Variants in FRYL observed in about 807,000 individuals in gnomAD.
The protein encoded by FRYL is protein furry homolog-like.
In FRYL, 150 loss-of-function variants were observed where a neutral mutation model predicts 351.2. The ratio of observed to expected loss-of-function variants is 0.43; its 90% CI spans 0.37 to 0.49. The LOEUF (loss-of-function observed/expected upper bound fraction) is 0.49, where lower values mean the gene tolerates loss of function less well. FRYL is among the 20% of genes least tolerant of loss of function. The probability of loss-of-function intolerance (pLI) is 0.00; values close to 1 mark genes in which losing one functional copy is unlikely to be tolerated. For synonymous variants in FRYL, 1,153 were observed against 1,257.1 expected (o/e 0.92, Z 1.75); for missense variants, 3,036 against 3,619.3 (o/e 0.84, Z 4.13).
intron 3 of FRYL, among the ~76,000 whole-genome samples, chr4:48,655,825 T>C (rs979063116): frequency 6.9e-6 from 1 of 143,980 alleles, no homozygotes; most frequent in South Asian, 2.1e-4. Context: ...TACAGAATTA[T>C]ATAATTATAT....
intron 3 of FRYL, among the ~76,000 whole-genome samples, chr4:48,664,853 T>A (rs12505376): frequency 0.026 from 3,974 of 152,252 alleles, 67 homozygotes; most frequent in Admixed American, 0.046. Context: ...CACTCAATAA[T>A]GAAGAGAATC....
At chr4:48,743,046 T>C (rs1242656231) in intron 1 of FRYL, among the ~76,000 whole-genome samples, 4 of 147,342 alleles carry the variant, frequency 2.7e-5, no homozygotes, top group Non-Finnish European at 4.5e-5. Context: ...CTTGAACTCC[T>C]GACCTCAAGT....
chr4:48,502,516 A>G (rs568175324), intron 61 of FRYL, among the ~76,000 whole-genome samples: 1 of 151,040 alleles, frequency 6.6e-6, no homozygotes, highest in East Asian at 1.9e-4. Flanking sequence ...CTGCCCTCCA[A>G]GCCTGGGCAA....
At position 48,720,211 on chromosome 4, in the gene FRYL, A is replaced by C. The variant is rs1769317214; in HGVS notation, c.-383-9513T>G. ...CCATCTTAACCATTTTAAAATGTAC[A>C]TTAAGGCTGGGCATGGCGGCTCATG... On this transcript the variant is annotated intron_variant, in intron 1 of 63. Transcript: ENST00000358350. Among the ~76,000 whole-genome samples, 4 of 142,282 alleles carry C rather than the reference A, an allele frequency of 2.8e-5. No individual in the cohort carries two copies. In the South Asian group the frequency reaches 9.0e-4, roughly 32 times the overall value. The allele number at this position is 142,282 out of a possible 152,430, so 93.3% of individuals were successfully genotyped here.
At chr4:48,538,903 G>T (rs1386543944) in intron 47 of FRYL, among the ~76,000 whole-genome samples, 2 of 151,976 alleles carry the variant, frequency 1.3e-5, no homozygotes, top group African/African-American at 4.8e-5. Flanking sequence ...ATGACTGACT[G>T]AAAAAAGTTA....
intron 1 of FRYL, among the ~76,000 whole-genome samples, chr4:48,778,359 G>A (rs1180699302): frequency 2.0e-5 from 3 of 150,296 alleles, no homozygotes; most frequent in Admixed American, 6.6e-5. Flanking sequence ...TGGGTCACAT[G>A]TTCCAACAGA....
In FRYL at chr4:48,576,220, C is replaced by T; in HGVS notation, c.2531G>A (p.Ser844Asn). The change falls in exon 24 of 64, where the codon AGC becomes AAC. Residue 844 changes from serine to asparagine, a missense_variant and splice_region_variant. Physicochemically the swap from Ser to Asn is conservative, Grantham distance 46. Transcript: ENST00000358350. ...QLLSPQVDINSPINAKKVNTT... is the reference protein window; with the variant it reads ...QLLSPQVDINNPINAKKVNTT... ...ATTTACTTTCTTAGCATTGATGGGG[C>T]TACTAAGGAAAAAAAAAGAAAAATA... is the stretch of plus-strand genomic sequence containing the variant. 2 of 1,569,248 alleles carry T rather than the reference C, an allele frequency of 1.3e-6. No individual in the cohort carries two copies. The highest frequency in any genetic ancestry group is 1.8e-4 in the Middle Eastern group (1 of 5,632).
At chr4:48,506,643 TATA>T (rs1175053920) in intron 59 of FRYL, 5 of 72,538 alleles carry the variant, frequency 6.9e-5, no homozygotes, top group African/African-American at 1.9e-4. Flanking sequence ...TATATATATA[TATA>T]TATATATATA....
intron 1 of FRYL, among the ~76,000 whole-genome samples, chr4:48,766,902 T>C (rs1468408229): frequency 6.6e-6 from 1 of 151,008 alleles, no homozygotes; most frequent in Non-Finnish European, 1.5e-5. Flanking sequence ...CGGATTTCCA[T>C]AGATTTAATG....
chr4:48,510,188 C>T (rs1196535324), intron 58 of FRYL, 31 bp from the exon 59 acceptor site: 2 of 1,488,724 alleles, frequency 1.3e-6, no homozygotes, highest in Non-Finnish European at 9.4e-7. Context: ...ATCCAGGTTA[C>T]CATTTCTGAT....
rs901773168 is a variant in FRYL, at chr4:48,581,273, G to C, written c.2172+147C>G. 17 of 615,928 alleles carry C rather than the reference G, an allele frequency of 2.8e-5. No individual in the cohort carries two copies. In the African/African-American group the frequency reaches 3.2e-4, roughly 12 times the overall value. The allele number at this position is 615,928 out of a possible 1,614,324, so 38.2% of individuals were successfully genotyped here. ...AGGATGGTCTCGATCTCCTGATCTCGTGATCCGCCCGACTCGGCCTCCCAA... is the reference window on the plus strand; with the variant it reads ...AGGATGGTCTCGATCTCCTGATCTCCTGATCCGCCCGACTCGGCCTCCCAA... On this transcript the variant is annotated intron_variant, in intron 21 of 63. Coordinates refer to ENST00000358350, the MANE Select transcript of FRYL (RefSeq NM_015030.2).
At chr4:48,655,689 T>C (rs977672244) in intron 3 of FRYL, among the ~76,000 whole-genome samples, 3 of 147,066 alleles carry the variant, frequency 2.0e-5, no homozygotes, top group Non-Finnish European at 4.5e-5. Flanking sequence ...ATATAATGTA[T>C]ATATTATATA....
chr4:48,670,852 G>A (rs1458655145), intron 3 of FRYL, among the ~76,000 whole-genome samples: 1 of 152,118 alleles, frequency 6.6e-6, no homozygotes, highest in Non-Finnish European at 1.5e-5. Context: ...ATCTGTTGGT[G>A]GACATTTAGG....
At chr4:48,700,677 T>C (rs1373654776) in intron 2 of FRYL, among the ~76,000 whole-genome samples, 6 of 149,338 alleles carry the variant, frequency 4.0e-5, no homozygotes, top group South Asian at 2.2e-4. Flanking sequence ...TGGTGTGTGT[T>C]TGTAGTCCCA....
chr4:48,748,232 C>T (rs1052916769), intron 1 of FRYL, among the ~76,000 whole-genome samples: 1 of 151,626 alleles, frequency 6.6e-6, no homozygotes, highest in African/African-American at 2.4e-5. Context: ...GGCAACAGAG[C>T]GAGACTCCGT....
intron 3 of FRYL, among the ~76,000 whole-genome samples, chr4:48,677,052 G>T (rs559627867): frequency 4.6e-5 from 7 of 152,226 alleles, no homozygotes; most frequent in African/African-American, 1.4e-4. Context: ...TGCTCTACAG[G>T]CATTTAAAAA....
chr4:48,625,076 G>T (rs1268375369), intron 4 of FRYL, among the ~76,000 whole-genome samples: 1 of 152,086 alleles, frequency 6.6e-6, no homozygotes, highest in Admixed American at 6.5e-5. Flanking sequence ...TGGGTCCCCT[G>T]CTTTCTGACT....
At chr4:48,675,985 G>T (rs1008056598) in intron 3 of FRYL, among the ~76,000 whole-genome samples, 3 of 152,178 alleles carry the variant, frequency 2.0e-5, no homozygotes, top group African/African-American at 7.2e-5. Flanking sequence ...GTGGGGCCTT[G>T]GAGAACCTGT....
rs1428958784 is a variant in FRYL, at chr4:48,553,660, A to AAC, written c.4267-278_4267-277insGT. 4.8e-3 allele frequency among the ~76,000 whole-genome samples: 587 copies of AAC among 121,244 alleles called. 1 individual carries two copies. Among genetic ancestry groups the AAC allele is most frequent in the East Asian group, 0.014 (56 of 3,924 alleles). The allele number at this position is 121,244 out of a possible 152,430, so 79.5% of individuals were successfully genotyped here. A position where few individuals can be genotyped will look rare whatever the true frequency, so the allele number is the denominator to read the frequency against. ...ATGCACTTTCTTTACTTTAAAAAAA[A>AAC]AAAAAAAAAAAAACAAAAAAATACT... On this transcript the variant is annotated intron_variant, in intron 35 of 63. Coordinates refer to ENST00000358350, the MANE Select transcript of FRYL (RefSeq NM_015030.2).
Sources: allele counts gnomAD v4.1 joint callset (sites outside exome capture counted in the v4.1 genomes callset), GRCh38; gene constraint gnomAD v4.1.1; transcripts MANE v1.5; gene names NCBI Gene and HGNC (gene_info 2026-07-23, HGNC 2026-07-21).